The following TXLNG variants were observed in gnomAD, a reference collection of about 807,000 sequenced individuals.
TXLNG encodes gamma-taxilin.
In TXLNG, 5 loss-of-function variants were observed where a neutral mutation model predicts 38.8. The ratio of observed to expected loss-of-function variants is 0.13; its 90% confidence interval spans 0.07 to 0.27. The LOEUF (loss-of-function observed/expected upper bound fraction) is 0.27. Ranked by LOEUF, TXLNG falls within the 10% of genes least tolerant of loss-of-function variation. TXLNG has a pLI of 1.00. For missense variants in TXLNG, 393 were observed against 398.2 expected (o/e 0.99, Z 0.11); for synonymous variants, 182 against 158.2 (o/e 1.15, Z -1.13).
intron 1 of TXLNG, among the ~76,000 whole-genome samples, chrX:16,814,316 G>A (rs1337271375): frequency 9.0e-6 from 1 of 111,452 alleles, no homozygotes; most frequent in Non-Finnish European, 1.9e-5. Flanking sequence ...TTTGCCACAT[G>A]CAAATAGGCA....
At chrX:16,817,849 C>G (rs1241991473) in intron 1 of TXLNG, among the ~76,000 whole-genome samples, 1 of 112,084 alleles carries the variant, frequency 8.9e-6, no homozygotes, top group East Asian at 2.8e-4. Flanking sequence ...CACCTATAGT[C>G]CAGTGTAGGT....
chrX:16,840,703 C>T lies in TXLNG; in HGVS notation c.1249-725C>T, dbSNP rs187248004. ...AGGAGAATTGCTTGAACCTGGGAGGCGGAGGTTGCAGTGAGCTGAGATTGC... is the reference window on the plus strand; with the variant it reads ...AGGAGAATTGCTTGAACCTGGGAGGTGGAGGTTGCAGTGAGCTGAGATTGC... On this transcript the variant is annotated intron_variant, in intron 9 of 9. Transcript: ENST00000380122. Among the ~76,000 whole-genome samples, 820 of 111,054 alleles carry T rather than the reference C, an allele frequency of 7.4e-3. 10 individuals carry two copies. The highest frequency in any genetic ancestry group is 0.025 in the African/African-American group (753 of 30,506).
intron 8 of TXLNG, among the ~76,000 whole-genome samples, chrX:16,838,077 T>C (rs966565725): frequency 8.9e-6 from 1 of 111,865 alleles, no homozygotes; most frequent in Admixed American, 9.6e-5. Flanking sequence ...TCATATATTT[T>C]GGTTGGTTGA....
intron 8 of TXLNG, among the ~76,000 whole-genome samples, chrX:16,839,566 A>G (rs1038432055): frequency 2.7e-5 from 3 of 111,425 alleles, no homozygotes; most frequent in African/African-American, 9.8e-5. Flanking sequence ...CTGCCTCTGA[A>G]ATTGAGGAGA....
At chrX:16,795,052 C>T (rs1333932823) in intron 1 of TXLNG, among the ~76,000 whole-genome samples, 5 of 110,597 alleles carry the variant, frequency 4.5e-5, no homozygotes, top group East Asian at 2.8e-4. Context: ...CAGAGGCAGG[C>T]GGATCACGAG....
chrX:16,798,398 G>A (rs1406251071), intron 1 of TXLNG, among the ~76,000 whole-genome samples: 1 of 111,598 alleles, frequency 9.0e-6, no homozygotes, highest in Non-Finnish European at 1.9e-5. Flanking sequence ...TTGCCTTGAA[G>A]TGGCAGGCTT....
At chrX:16,812,296 A>C (rs1928550712) in intron 1 of TXLNG, among the ~76,000 whole-genome samples, 1 of 110,045 alleles carries the variant, frequency 9.1e-6, no homozygotes, top group African/African-American at 3.3e-5. Context: ...GGTATGAGCC[A>C]CCGTGCCTGG....
At chrX:16,826,019 T>C (rs1026288017) in intron 3 of TXLNG, among the ~76,000 whole-genome samples, 6 of 111,579 alleles carry the variant, frequency 5.4e-5, no homozygotes, top group Admixed American at 9.5e-5. Context: ...CTAGCTACAA[T>C]AAAGTCAAAA....
intron 1 of TXLNG, 41 bp downstream of exon 1, chrX:16,786,630 G>A (rs1447650149): frequency 5.3e-6 from 5 of 944,214 alleles, no homozygotes; most frequent in South Asian, 2.9e-5. Context: ...GGGCCCGGGG[G>A]ATGTTTGGGC....
chrX:16,837,288 C>T (rs931754349), intron 7 of TXLNG, among the ~76,000 whole-genome samples: 2 of 111,679 alleles, frequency 1.8e-5, no homozygotes, highest in African/African-American at 6.5e-5. Flanking sequence ...TTTCACTTGG[C>T]AGGAGAGGGG....
At chrX:16,832,952 C>G (rs1449468458) in intron 6 of TXLNG, among the ~76,000 whole-genome samples, 3 of 112,028 alleles carry the variant, frequency 2.7e-5, no homozygotes, top group Non-Finnish European at 5.6e-5. Context: ...CTGTTTATTT[C>G]TATTTAACCT....
At chrX:16,790,090 G>A (rs1479910461) in intron 1 of TXLNG, among the ~76,000 whole-genome samples, 2 of 110,582 alleles carry the variant, frequency 1.8e-5, no homozygotes, top group Non-Finnish European at 3.8e-5. Context: ...GAGCCACTGC[G>A]CCCGACCCTT....
intron 1 of TXLNG, among the ~76,000 whole-genome samples, chrX:16,802,328 G>A (rs1160642623): frequency 9.7e-6 from 1 of 103,196 alleles, no homozygotes; most frequent in Non-Finnish European, 2.0e-5. Context: ...TTGGCTCACT[G>A]CAGCCTCTGC....
chrX:16,840,955 G>A (rs978772645), intron 9 of TXLNG, among the ~76,000 whole-genome samples: 2 of 111,170 alleles, frequency 1.8e-5, no homozygotes, highest in Non-Finnish European at 3.8e-5. Flanking sequence ...CCAGCGCTTC[G>A]GGAGGCCAAG....
intron 1 of TXLNG, among the ~76,000 whole-genome samples, chrX:16,795,621 C>A (rs1471029226): frequency 9.0e-6 from 1 of 111,504 alleles, no homozygotes; most frequent in African/African-American, 3.3e-5. Context: ...TGTGCTCTTA[C>A]ATGCTGTGAC....
rs138441793 is a variant in TXLNG at position 16,791,315 on chromosome X, C to T, written c.102+4726C>T. On this transcript the variant is annotated intron_variant, in intron 1 of 9. Transcript: ENST00000380122. ...CCATTTCATTAATCTTGTTTTTCTCCCCATTTGCCAACTTGATGAACTTCC... is the reference window on the plus strand; with the variant it reads ...CCATTTCATTAATCTTGTTTTTCTCTCCATTTGCCAACTTGATGAACTTCC... 7.5e-3 allele frequency among the ~76,000 whole-genome samples: 837 copies of T among 111,494 alleles called. 5 individuals are homozygous for T. Among genetic ancestry groups the T allele is most frequent in the Middle Eastern group, 0.023 (5 of 217 alleles).
In TXLNG at chrX:16,844,079, T is replaced by G. The variant is rs1227713138; in HGVS notation, c.*2313T>G. 9.0e-6 allele frequency: 1 copy of G among 111,072 alleles called. No homozygotes were observed. The highest frequency in any genetic ancestry group is 1.9e-5 in the Non-Finnish European group (1 of 53,228). The allele number at this position is 111,072 out of a possible 1,213,427, so 9.2% of individuals were successfully genotyped here. On this transcript the variant is annotated 3_prime_UTR_variant, in exon 10 of 10. Coordinates refer to ENST00000380122, the MANE Select transcript of TXLNG (RefSeq NM_018360.3). Reference sequence around the variant, plus strand: ...TTGCAATTGTTGCACCATCATGGAATCGTGATGTGTATTATTTATATTGGC... The same window carrying G: ...TTGCAATTGTTGCACCATCATGGAAGCGTGATGTGTATTATTTATATTGGC...
Position 16,841,689 on chromosome X carries a change from G to A in TXLNG, c.1510G>A (p.Glu504Lys), listed in dbSNP as rs1251881167. 8.3e-7 allele frequency: 1 copy of A among 1,211,971 alleles called. No homozygotes were observed. Among genetic ancestry groups the A allele is most frequent in the Middle Eastern group, 2.3e-4 (1 of 4,355 alleles). ...AGCCCTGGGAGCGCACCTGGAGGCT[G>A]AGCCCAAGAGTCAGAGAAGCGCTGT... ...KRALGAHLEA[E>K]PKSQRSAVQK... Residue 504 changes from glutamate (E) to lysine (K), a missense_variant, in exon 10 of 10, where the codon GAG (glutamate) becomes AAG (lysine). Transcript: ENST00000380122.
intron 1 of TXLNG, among the ~76,000 whole-genome samples, chrX:16,800,085 A>G (rs1222483296): frequency 1.9e-5 from 2 of 107,956 alleles, no homozygotes; most frequent in Non-Finnish European, 3.8e-5. Flanking sequence ...GATCACAGGC[A>G]TCTACCACCA....
Sources: allele counts gnomAD v4.1 joint callset (sites outside exome capture counted in the v4.1 genomes callset), GRCh38; gene constraint gnomAD v4.1.1; transcripts MANE v1.5; gene names NCBI Gene and HGNC (gene_info 2026-07-23, HGNC 2026-07-21).